Variants in MYO16 observed in about 807,000 individuals in gnomAD.
MYO16 encodes the protein unconventional myosin-XVI.
A neutral mutation model predicts 205.3 loss-of-function variants in MYO16; 94 were observed. That is an observed-to-expected ratio of 0.46 (90% confidence interval 0.39 to 0.54). The LOEUF is 0.54. Ranked by LOEUF, MYO16 falls within the 20% of genes least tolerant of loss-of-function variation. The pLI is 0.00. For missense variants in MYO16, 2,315 were observed against 2,387.5 expected (o/e 0.97, Z 0.63); for synonymous variants, 988 against 954.0 (o/e 1.04, Z -0.66).
the MYO16 span, among the ~76,000 whole-genome samples, chr13:108,533,165 G>A: frequency 2.0e-5 from 3 of 152,176 alleles, no homozygotes; most frequent in Non-Finnish European, 4.4e-5. Context: ...TTCATGTCAG[G>A]GTAAGGGGGT....
At chr13:108,737,261 A>G (rs1366102770) in intron 4 of MYO16, among the ~76,000 whole-genome samples, 2 of 152,190 alleles carry the variant, frequency 1.3e-5, no homozygotes, top group East Asian at 3.9e-4. Flanking sequence ...TCAGTATGAT[A>G]TTGGCTGTGG....
chr13:108,800,043 G>A (rs934319972), intron 6 of MYO16, among the ~76,000 whole-genome samples: 9 of 152,050 alleles, frequency 5.9e-5, no homozygotes, highest in Admixed American at 4.6e-4. Flanking sequence ...GGAAGCCTTA[G>A]CCTGTACCAG....
chr13:108,943,286 A>C (rs1392698335), intron 16 of MYO16, among the ~76,000 whole-genome samples: 1 of 152,226 alleles, frequency 6.6e-6, no homozygotes, highest in Non-Finnish European at 1.5e-5. Context: ...CCAGGACCAC[A>C]TCCTTATTAT....
upstream of MYO16, among the ~76,000 whole-genome samples, chr13:108,628,120 C>T (rs767243394): frequency 2.6e-5 from 4 of 152,246 alleles, no homozygotes; most frequent in South Asian, 6.2e-4. Context: ...TACAAAACAT[C>T]CAAGAAACCC....
At chr13:109,136,715 C>A (rs1408858725) in intron 31 of MYO16, among the ~76,000 whole-genome samples, 1 of 152,218 alleles carries the variant, frequency 6.6e-6, no homozygotes, top group Non-Finnish European at 1.5e-5. Flanking sequence ...GCATCTTCCT[C>A]ACTGTTCTTT....
chr13:108,834,725 T>C (rs1430940530), intron 9 of MYO16, among the ~76,000 whole-genome samples: 4 of 151,990 alleles, frequency 2.6e-5, no homozygotes, highest in African/African-American at 9.7e-5. Context: ...TAAAACATAA[T>C]CTGATAAATG....
intron 23 of MYO16, among the ~76,000 whole-genome samples, chr13:109,022,305 TATTTATATATTA>T (rs1886067423): frequency 9.0e-5 from 2 of 22,120 alleles, no homozygotes; most frequent in South Asian, 1.6e-3. Flanking sequence ...TACAAATATA[TATTTATATATTA>T]TATACAAATA....
intron 1 of MYO16, among the ~76,000 whole-genome samples, chr13:108,656,465 C>T (rs1387182459): frequency 6.6e-6 from 1 of 152,062 alleles, no homozygotes; most frequent in Non-Finnish European, 1.5e-5. Flanking sequence ...ACTAATATAC[C>T]AGGTCAGCGG....
At chr13:108,873,821 G>A (rs34213800) in intron 12 of MYO16, among the ~76,000 whole-genome samples, 48,942 of 152,046 alleles carry the variant, frequency 0.32, 8,294 homozygotes, top group Non-Finnish European at 0.36. Flanking sequence ...CCAGGACAGG[G>A]TCCATGATTG....
At chr13:108,791,615 G>T (rs901895846) in intron 5 of MYO16, among the ~76,000 whole-genome samples, 14 of 152,308 alleles carry the variant, frequency 9.2e-5, no homozygotes, top group African/African-American at 2.9e-4. Context: ...ACCCAAGCAG[G>T]TTGAGTCCAG....
At chr13:108,662,344 T>G (rs1202823163) in intron 1 of MYO16, among the ~76,000 whole-genome samples, 2 of 152,152 alleles carry the variant, frequency 1.3e-5, no homozygotes, top group Non-Finnish European at 2.9e-5. Flanking sequence ...ACCCTAGAAC[T>G]TCCAAGATTA....
chr13:108,886,651 C>T (rs574288901), intron 13 of MYO16, among the ~76,000 whole-genome samples: 55 of 152,108 alleles, frequency 3.6e-4, no homozygotes, highest in Admixed American at 9.2e-4. Context: ...ATTGATTTCC[C>T]TTGCTGCACG....
chr13:108,956,777 C>T (rs1190643729), intron 16 of MYO16, among the ~76,000 whole-genome samples: 3 of 152,268 alleles, frequency 2.0e-5, no homozygotes, highest in Non-Finnish European at 4.4e-5. Flanking sequence ...CTTCTGGTTG[C>T]AGCCCCTTCC....
chr13:108,853,729 A>C (rs1334053343), intron 10 of MYO16, among the ~76,000 whole-genome samples: 1 of 151,824 alleles, frequency 6.6e-6, no homozygotes, highest in Non-Finnish European at 1.5e-5. Context: ...CAGCCTTCCA[A>C]GTAGCTGGGA....
intron 9 of MYO16, among the ~76,000 whole-genome samples, chr13:108,834,813 G>A (rs1378677101): frequency 1.3e-5 from 2 of 151,654 alleles, no homozygotes; most frequent in Non-Finnish European, 2.9e-5. Flanking sequence ...TTAACAAATA[G>A]CATTTTACTA....
At chr13:108,787,392 C>T (rs1886490306) in intron 5 of MYO16, among the ~76,000 whole-genome samples, 1 of 152,104 alleles carries the variant, frequency 6.6e-6, no homozygotes, top group African/African-American at 2.4e-5. Context: ...TGTGCCAGTT[C>T]TATGTTATTA....
At chr13:108,614,016 A>G (rs1879263303) in intron 1 of MYO16, among the ~76,000 whole-genome samples, 1 of 152,136 alleles carries the variant, frequency 6.6e-6, no homozygotes, top group Admixed American at 6.5e-5. Context: ...AAAGTAATTC[A>G]GATTAAAAAA....
intron 21 of MYO16, among the ~76,000 whole-genome samples, chr13:109,002,140 G>A (rs1451493633): frequency 1.3e-5 from 2 of 152,116 alleles, no homozygotes; most frequent in African/African-American, 4.8e-5. Context: ...TTGGTTTGGG[G>A]TCAGGCCCAG....
chr13:109,182,079 A>C (rs1332276198), intron 34 of MYO16, among the ~76,000 whole-genome samples: 1 of 152,086 alleles, frequency 6.6e-6, no homozygotes, highest in Non-Finnish European at 1.5e-5. Context: ...CGGCCTCCCA[A>C]AGTGCTGGGA....
Sources: allele counts gnomAD v4.1 joint callset (sites outside exome capture counted in the v4.1 genomes callset), GRCh38; gene constraint gnomAD v4.1.1; transcripts MANE v1.5; gene names NCBI Gene and HGNC (gene_info 2026-07-23, HGNC 2026-07-21).